GRIK4: variants seen among roughly 807,000 people sequenced by gnomAD.
GRIK4 encodes the protein glutamate receptor ionotropic, kainate 4.
Under a neutral mutation model 104.9 loss-of-function variants are expected in GRIK4, and 40 were observed. That is an observed-to-expected ratio of 0.38 (90% confidence interval 0.30 to 0.50). The LOEUF (loss-of-function observed/expected upper bound fraction) is 0.50, where lower values mean the gene tolerates loss of function less well. Among genes scored for constraint, GRIK4 ranks in the 20% least tolerant of loss-of-function variants. GRIK4 has a pLI of 0.93. For missense variants in GRIK4, 1,047 were observed against 1,308.1 expected (o/e 0.80, Z 3.08); for synonymous variants, 485 against 524.9 (o/e 0.92, Z 1.04).
chr11:120,784,279 G>A (rs919056432), intron 3 of GRIK4, among the ~76,000 whole-genome samples: 10 of 152,182 alleles, frequency 6.6e-5, no homozygotes, highest in Non-Finnish European at 1.2e-4. Flanking sequence ...CCTTCCCTGG[G>A]GGATGATGAC....
At chr11:120,957,246 G>C (rs554864634) in intron 16 of GRIK4, among the ~76,000 whole-genome samples, 1 of 152,326 alleles carries the variant, frequency 6.6e-6, no homozygotes, top group Admixed American at 6.5e-5. Context: ...GCAAAGCAAT[G>C]GTAACTTCCT....
At chr11:120,904,579 T>A (rs563256393) in intron 12 of GRIK4, among the ~76,000 whole-genome samples, 41 of 152,362 alleles carry the variant, frequency 2.7e-4, no homozygotes, top group Admixed American at 2.4e-3. Flanking sequence ...TTGTGTAATG[T>A]GCAGCCACCA....
intron 8 of GRIK4, among the ~76,000 whole-genome samples, chr11:120,852,271 GC>G (rs1312730034): frequency 9.8e-5 from 15 of 152,344 alleles, no homozygotes; most frequent in African/African-American, 3.6e-4. Flanking sequence ...CCTGGCCTCT[GC>G]CTTCCTCTTC....
chr11:120,682,703 A>G (rs113589746), intron 3 of GRIK4, among the ~76,000 whole-genome samples: 1 of 151,318 alleles, frequency 6.6e-6, no homozygotes, highest in Non-Finnish European at 1.5e-5. Flanking sequence ...CATCTTATAC[A>G]TGGGAAGTGG....
At chr11:120,854,711 G>T (rs892630037) in intron 8 of GRIK4, among the ~76,000 whole-genome samples, 1 of 152,116 alleles carries the variant, frequency 6.6e-6, no homozygotes, top group Non-Finnish European at 1.5e-5. Context: ...TAAGGAGTCT[G>T]TATCATACTT....
At chr11:120,709,779 A>G (rs1004291712) in intron 3 of GRIK4, among the ~76,000 whole-genome samples, 1 of 152,166 alleles carries the variant, frequency 6.6e-6, no homozygotes, top group African/African-American at 2.4e-5. Flanking sequence ...TACCAAAGAG[A>G]GTCCCAGTTT....
intron 3 of GRIK4, among the ~76,000 whole-genome samples, chr11:120,718,434 C>G (rs995921405): frequency 1.3e-5 from 2 of 152,192 alleles, no homozygotes; most frequent in Non-Finnish European, 2.9e-5. Context: ...TAGGCTTAGG[C>G]AGCCGCAAGT....
At chr11:120,654,970 A>G (rs1011281353) in intron 2 of GRIK4, among the ~76,000 whole-genome samples, 4 of 152,144 alleles carry the variant, frequency 2.6e-5, no homozygotes, top group African/African-American at 9.7e-5. Context: ...CATCTGCTGC[A>G]TTATGTCTGC....
At chr11:120,780,387 T>A (rs1029940446) in intron 3 of GRIK4, among the ~76,000 whole-genome samples, 2 of 152,212 alleles carry the variant, frequency 1.3e-5, no homozygotes, top group African/African-American at 4.8e-5. Flanking sequence ...TCATACAGTC[T>A]TTGTCTTTTT....
chr11:120,525,632 A>G (rs1947847273), intron 1 of GRIK4, among the ~76,000 whole-genome samples: 1 of 152,220 alleles, frequency 6.6e-6, no homozygotes, highest in Admixed American at 6.5e-5. Context: ...GCCGCGTGCT[A>G]CGTCCCCGTG....
chr11:120,917,183 G>T (rs1015279441), intron 13 of GRIK4, among the ~76,000 whole-genome samples: 1 of 138,574 alleles, frequency 7.2e-6, no homozygotes, highest in Non-Finnish European at 1.5e-5. Flanking sequence ...GGAGGCGGAG[G>T]TTGCCGTGAG....
intron 16 of GRIK4, 108 bp downstream of exon 16, chr11:120,957,061 C>A: frequency 1.1e-6 from 1 of 951,262 alleles, no homozygotes; most frequent in Non-Finnish European, 1.5e-6. Context: ...CTGCCTCTTA[C>A]AGCAGACCCA....
chr11:120,972,292 T>C (rs994088005), intron 19 of GRIK4, among the ~76,000 whole-genome samples: 1 of 152,140 alleles, frequency 6.6e-6, no homozygotes, highest in Admixed American at 6.6e-5. Context: ...TGTGGTGGGA[T>C]GGAATTCTGA....
intron 1 of GRIK4, among the ~76,000 whole-genome samples, chr11:120,611,188 C>A (rs1423131960): frequency 6.6e-6 from 1 of 152,090 alleles, no homozygotes; most frequent in Non-Finnish European, 1.5e-5. Flanking sequence ...CAGGAGGCCA[C>A]ATAGGAACTC....
chr11:120,879,580 T>C (rs555324336), intron 11 of GRIK4, among the ~76,000 whole-genome samples: 3 of 152,356 alleles, frequency 2.0e-5, no homozygotes, highest in Non-Finnish European at 4.4e-5. Context: ...ATGACTATTT[T>C]GATTCTGTTC....
chr11:120,632,036 C>T (rs974682833), intron 1 of GRIK4, among the ~76,000 whole-genome samples: 3 of 152,202 alleles, frequency 2.0e-5, no homozygotes, highest in African/African-American at 7.2e-5. Flanking sequence ...GTACCCACTG[C>T]TGTGGACTGA....
intron 3 of GRIK4, among the ~76,000 whole-genome samples, chr11:120,676,552 G>GA (rs1045760378): frequency 1.3e-5 from 2 of 152,200 alleles, no homozygotes; most frequent in African/African-American, 4.8e-5. Context: ...TGCAAAGAGG[G>GA]AAAAACCTGA....
chr11:120,602,017 A>G (rs1379189055), intron 1 of GRIK4, among the ~76,000 whole-genome samples: 1 of 152,082 alleles, frequency 6.6e-6, no homozygotes, highest in Admixed American at 6.5e-5. Flanking sequence ...CTTCTGAGCC[A>G]TTGATCCTCT....
chr11:120,983,261 T>C (rs141198415), intron 20 of GRIK4, among the ~76,000 whole-genome samples: 24 of 152,168 alleles, frequency 1.6e-4, no homozygotes, highest in Admixed American at 1.2e-3. Flanking sequence ...TTCAAAATAA[T>C]AGGAAGATTA....
Sources: allele counts gnomAD v4.1 joint callset (sites outside exome capture counted in the v4.1 genomes callset), GRCh38; gene constraint gnomAD v4.1.1; transcripts MANE v1.5; gene names NCBI Gene and HGNC (gene_info 2026-07-23, HGNC 2026-07-21).